The following TASOR variants were observed in gnomAD, a reference collection of about 807,000 sequenced individuals.
TASOR encodes the protein transcription activation suppressor.
TASOR carries 53 observed loss-of-function variants against 178.6 expected under a neutral mutation model. The observed-to-expected ratio is 0.30, with a 90% CI of 0.24 to 0.37. The LOEUF (loss-of-function observed/expected upper bound fraction) is 0.37. Among genes scored for constraint, TASOR ranks in the 10% least tolerant of loss-of-function variants. The probability of loss-of-function intolerance (pLI) is 1.00; values close to 1 mark genes in which losing one functional copy is unlikely to be tolerated. For synonymous variants in TASOR, 713 were observed against 696.2 expected, an observed-to-expected ratio of 1.02 and a Z score of -0.38; for missense variants, 1,815 against 1,971.4, an observed-to-expected ratio of 0.92 and a Z score of 1.50.
At chr3:56,654,303 A>C (rs1049271794) in intron 11 of TASOR, among the ~76,000 whole-genome samples, 1 of 136,416 alleles carries the variant, frequency 7.3e-6, no homozygotes, top group African/African-American at 2.8e-5. Context: ...AGAAAGGAAA[A>C]TTTCAGGTCA....
intron 18 of TASOR, among the ~76,000 whole-genome samples, chr3:56,632,453 C>A (rs770426317): frequency 6.7e-6 from 1 of 149,064 alleles, no homozygotes; most frequent in Non-Finnish European, 1.5e-5. Context: ...CCAGCCTGGG[C>A]GACAGAAGGA....
Position 56,627,043 on chromosome 3 carries a change from A to G in TASOR, c.4133T>C (p.Leu1378Pro). Residue 1378 changes from leucine to proline, a missense_variant, in exon 21 of 24, where the codon CTA becomes CCA. By Grantham distance (98) the Leu-to-Pro change is moderately conservative. Coordinates refer to ENST00000683822, the MANE Select transcript of TASOR (RefSeq NM_001365635.2). ...GTTATGTTTCAAAGCTTACCTGCCT[A>G]GTTCCTTTAGTTTCTTCTGAAATTT... ...HCKFQKKLKELGRLNAKALSL... is the reference protein window; with the variant it reads ...HCKFQKKLKEPGRLNAKALSL... 6.3e-7 allele frequency: 1 copy of G among 1,587,222 alleles called. No homozygotes were observed. The highest frequency in any genetic ancestry group is 8.6e-7 in the Non-Finnish European group (1 of 1,157,888).
chr3:56,658,923 A>AGAGC (rs1482227837), intron 11 of TASOR, among the ~76,000 whole-genome samples: 4 of 146,090 alleles, frequency 2.7e-5, no homozygotes, highest in African/African-American at 1.0e-4. Context: ...AAAAAGAGAG[A>AGAGC]GAGACAGAGA....
intron 15 of TASOR, among the ~76,000 whole-genome samples, chr3:56,640,987 T>C (rs1352209766): frequency 2.0e-5 from 3 of 152,228 alleles, no homozygotes; most frequent in Non-Finnish European, 4.4e-5. Context: ...ACCTTTGGGT[T>C]CTCTGTTACT....
At chr3:56,645,402 C>G (rs953991800) in intron 14 of TASOR, among the ~76,000 whole-genome samples, 1 of 152,278 alleles carries the variant, frequency 6.6e-6, no homozygotes, top group East Asian at 1.9e-4. Flanking sequence ...TCTGACTAAC[C>G]TAGACTAAGA....
intron 9 of TASOR, among the ~76,000 whole-genome samples, chr3:56,661,950 G>T (rs1330480893): frequency 4.2e-5 from 6 of 144,316 alleles, no homozygotes; most frequent in Non-Finnish European, 7.4e-5. Context: ...CATGGCAAAA[G>T]CCCCGTCTCT....
rs2077322507 is a variant in TASOR, at chr3:56,650,260, A to G, written c.1369-1203T>C. Among the ~76,000 whole-genome samples, 3 of 152,244 alleles carry G rather than the reference A, an allele frequency of 2.0e-5. No individual in the cohort carries two copies. The South Asian group carries it at 6.2e-4, about 31-fold the overall frequency. ...ACGCCTGTATAAAAACTAATAATTC[A>G]GAGGACAAAAAGTAACTGTGCTACT... On this transcript the variant is annotated intron_variant, in intron 11 of 23. Transcript: ENST00000683822.
intron 11 of TASOR, among the ~76,000 whole-genome samples, chr3:56,654,360 C>T (rs2077423787): frequency 6.8e-6 from 1 of 147,840 alleles, no homozygotes; most frequent in African/African-American, 2.5e-5. Context: ...AAAAGCCAAA[C>T]CCCACAATTT....
intron 3 of TASOR, 42 bp from the exon 4 acceptor site, chr3:56,670,187 C>A: frequency 8.6e-7 from 1 of 1,165,340 alleles, no homozygotes; most frequent in Non-Finnish European, 1.2e-6. Flanking sequence ...GTCATAACAA[C>A]ATTTAAAACA....
chr3:56,637,001 GA>G (rs1389449779), intron 17 of TASOR, among the ~76,000 whole-genome samples: 6 of 152,014 alleles, frequency 3.9e-5, no homozygotes, highest in Non-Finnish European at 8.8e-5. Flanking sequence ...GTAAAACCCC[GA>G]AATCAGAAAA....
At chr3:56,647,911 C>T (rs1296003127) in intron 13 of TASOR, among the ~76,000 whole-genome samples, 1 of 152,136 alleles carries the variant, frequency 6.6e-6, no homozygotes, top group Non-Finnish European at 1.5e-5. Context: ...ATACAAAACC[C>T]TCACAGACCG....
chr3:56,675,731 G>C (rs1018867727), intron 1 of TASOR, among the ~76,000 whole-genome samples: 23 of 152,168 alleles, frequency 1.5e-4, no homozygotes, highest in Admixed American at 1.2e-3. Context: ...GGTCAAGAAT[G>C]TAACAGTCAA....
intron 4 of TASOR, 42 bp from the exon 5 acceptor site, chr3:56,669,833 C>A: frequency 7.3e-7 from 1 of 1,369,816 alleles, no homozygotes; most frequent in South Asian, 1.4e-5. Context: ...TTATATTTTT[C>A]AAAATCACTA....
intron 2 of TASOR, 56 bp from the exon 3 acceptor site, chr3:56,671,748 T>C (rs1441961319): frequency 3.0e-6 from 4 of 1,340,124 alleles, no homozygotes; most frequent in Non-Finnish European, 4.1e-6. Context: ...TTTTTCAAGC[T>C]ACAAGTTTTA....
chr3:56,623,406 C>G lies in TASOR; in HGVS notation c.4644G>C (p.Glu1548Asp), dbSNP rs753361805. ...GTDQKKNTQI[E>D]LQSSPDVQNS... Reference sequence around the variant, plus strand: ...TTTGCACATCAGGAGACGATTGCAACTCAATTTGAGTATTCTTTTTTTGAT... The same window carrying G: ...TTTGCACATCAGGAGACGATTGCAAGTCAATTTGAGTATTCTTTTTTTGAT... Residue 1548 changes from glutamate (E) to aspartate (D), a missense_variant, in exon 24 of 24, where the codon GAG (glutamate) becomes GAC (aspartate). This residue lies in a region of TASOR where 278 missense variants were observed against 257.1 expected (regional missense o/e 1.08). Transcript: ENST00000683822. 5 of 1,613,728 alleles carry G rather than the reference C, an allele frequency of 3.1e-6. No individual in the cohort carries two copies.
chr3:56,628,432 A>T, intron 19 of TASOR, 60 bp downstream of exon 19: 1 of 1,448,458 alleles, frequency 6.9e-7, no homozygotes, highest in Non-Finnish European at 9.5e-7. Context: ...GGCAGACAGT[A>T]AGATTTTAAA....
At chr3:56,668,361 T>C (rs1301020423) in intron 6 of TASOR, 36 bp downstream of exon 6, 2 of 1,524,682 alleles carry the variant, frequency 1.3e-6, no homozygotes, top group Non-Finnish European at 1.8e-6. Context: ...CAAACAGGTA[T>C]GAGATCACAA....
intron 18 of TASOR, 190 bp from the exon 19 acceptor site, chr3:56,628,804 A>G: frequency 2.4e-6 from 1 of 419,460 alleles, no homozygotes; most frequent in South Asian, 3.1e-5. Context: ...ACCATTGCCC[A>G]GGCTGGAGTA....
chr3:56,682,652 G>A (rs765000516), intron 1 of TASOR, 24 bp downstream of exon 1: 71 of 1,442,274 alleles, frequency 4.9e-5, no homozygotes, highest in Non-Finnish European at 6.0e-5. Flanking sequence ...GAGAGAGGGG[G>A]TTGAGAAGAA....
Sources: allele counts gnomAD v4.1 joint callset (sites outside exome capture counted in the v4.1 genomes callset), GRCh38; gene constraint gnomAD v4.1.1; regional missense constraint gnomAD v4.1.1; transcripts MANE v1.5; gene names NCBI Gene and HGNC (gene_info 2026-07-23, HGNC 2026-07-21).